CDC20B: variants seen among roughly 807,000 people sequenced by gnomAD.
CDC20B encodes cell division cycle protein 20 homolog B.
In CDC20B, 58 loss-of-function variants were observed where a neutral mutation model predicts 64.1. The ratio of observed to expected loss-of-function variants is 0.90; its 90% confidence interval spans 0.73 to 1.13. CDC20B has a LOEUF of 1.13. Among genes scored for constraint, CDC20B ranks in the 50% most tolerant of loss-of-function variants. The pLI, the probability that CDC20B is intolerant of heterozygous loss-of-function variation, is 0.00. For synonymous variants in CDC20B, 243 were observed against 230.6 expected (o/e 1.05, Z -0.49); for missense variants, 597 against 633.0 (o/e 0.94, Z 0.61).
At chr5:55,154,397 G>A (rs1465616273) in intron 2 of CDC20B, among the ~76,000 whole-genome samples, 1 of 152,028 alleles carries the variant, frequency 6.6e-6, no homozygotes, top group African/African-American at 2.4e-5. Context: ...ACGCACCTGT[G>A]GCCCAGCTAC....
intron 6 of CDC20B, among the ~76,000 whole-genome samples, chr5:55,133,031 G>A (rs1743069879): frequency 6.6e-6 from 1 of 152,116 alleles, no homozygotes; most frequent in Non-Finnish European, 1.5e-5. Context: ...TATGGTATCA[G>A]TTCCGTGTCA....
chr5:55,162,115 G>A (rs1447516312), intron 2 of CDC20B, among the ~76,000 whole-genome samples: 75 of 135,388 alleles, frequency 5.5e-4, no homozygotes, highest in Non-Finnish European at 2.1e-4. Context: ...AAAAAAAAAG[G>A]CCGGGCGCGG....
chr5:55,171,696 G>A (rs1383442627), intron 2 of CDC20B, among the ~76,000 whole-genome samples: 1 of 152,102 alleles, frequency 6.6e-6, no homozygotes, highest in Non-Finnish European at 1.5e-5. Context: ...TTGAACGCCT[G>A]GGCTCAAGCA....
At chr5:55,137,983 G>C (rs912923848) in intron 5 of CDC20B, among the ~76,000 whole-genome samples, 159 of 152,158 alleles carry the variant, frequency 1.0e-3, no homozygotes, top group African/African-American at 3.7e-3. Context: ...TTAGTTAAAA[G>C]ACTGTCAAGT....
At chr5:55,143,492 A>G (rs1191510957) in intron 4 of CDC20B, 21 bp downstream of exon 4, 1 of 1,565,368 alleles carries the variant, frequency 6.4e-7, no homozygotes, top group Non-Finnish European at 8.6e-7. Flanking sequence ...TGGGATCTTC[A>G]GTTTTTTTCT....
At chr5:55,156,457 T>A (rs1414157471) in intron 2 of CDC20B, among the ~76,000 whole-genome samples, 2 of 152,242 alleles carry the variant, frequency 1.3e-5, no homozygotes, top group Non-Finnish European at 2.9e-5. Context: ...ACTCTATTCT[T>A]CATTGTTCCA....
chr5:55,129,220 A>C (rs1742968805), intron 6 of CDC20B, among the ~76,000 whole-genome samples: 1 of 152,194 alleles, frequency 6.6e-6, no homozygotes, highest in Admixed American at 6.5e-5. Flanking sequence ...ACTAAGTAGC[A>C]CACCAGTTCC....
At chr5:55,123,744 GT>G (rs963492279) in intron 9 of CDC20B, among the ~76,000 whole-genome samples, 8 of 152,074 alleles carry the variant, frequency 5.3e-5, no homozygotes, top group African/African-American at 1.9e-4. Flanking sequence ...CTAATTTTTT[GT>G]TTTGTTTTTG....
chr5:55,139,108 G>T (rs1336296331), intron 5 of CDC20B, among the ~76,000 whole-genome samples: 1 of 151,268 alleles, frequency 6.6e-6, no homozygotes, highest in Non-Finnish European at 1.5e-5. Flanking sequence ...GAACACTGGT[G>T]ATAAAAGACT....
intron 11 of CDC20B, among the ~76,000 whole-genome samples, chr5:55,115,753 G>T (rs139932263): frequency 1.1e-4 from 16 of 152,276 alleles, no homozygotes; most frequent in African/African-American, 3.8e-4. Flanking sequence ...CTGATACAAG[G>T]TTCTCAGCAG....
intron 4 of CDC20B, among the ~76,000 whole-genome samples, chr5:55,140,619 A>G (rs1743303967): frequency 6.6e-6 from 1 of 152,214 alleles, no homozygotes; most frequent in African/African-American, 2.4e-5. Context: ...TTATTTCTCA[A>G]CTATGGAGTT....
At chr5:55,164,193 T>C in intron 2 of CDC20B, 1 of 1,559,200 alleles carries the variant, frequency 6.4e-7, no homozygotes, top group Non-Finnish European at 8.7e-7. Flanking sequence ...AGACAAGTGA[T>C]CATAAAAAAG....
intron 5 of CDC20B, chr5:55,137,687 C>T (rs957226385): frequency 4.4e-6 from 2 of 456,458 alleles, no homozygotes; most frequent in Non-Finnish European, 8.8e-6. Flanking sequence ...GGAGGAATGG[C>T]CATGTAAGTT....
At position 55,114,373 on chromosome 5, in the gene CDC20B, T is replaced by C; in HGVS notation, c.1460-55A>G. ...TCCTCCACGTTACATGGGCTGCTGCTCAGGACTGTAGGCAATGTAAGTTGG... is the reference window on the plus strand; with the variant it reads ...TCCTCCACGTTACATGGGCTGCTGCCCAGGACTGTAGGCAATGTAAGTTGG... On this transcript the variant is annotated intron_variant, in intron 11 of 11. Transcript: ENST00000381375. The surrounding 1 kb of genome is among the most constrained non-coding windows in gnomAD (Gnocchi z 4.1). 2 of 1,595,672 alleles carry C rather than the reference T, an allele frequency of 1.3e-6. No homozygotes were observed. Among genetic ancestry groups the C allele is most frequent in the Non-Finnish European group, 8.5e-7 (1 of 1,170,640 alleles).
intron 2 of CDC20B, among the ~76,000 whole-genome samples, chr5:55,163,291 A>T (rs1339554746): frequency 6.6e-6 from 1 of 152,028 alleles, no homozygotes; most frequent in East Asian, 1.9e-4. Flanking sequence ...AGGCCAAGAC[A>T]GGAGGATCAC....
intron 2 of CDC20B, among the ~76,000 whole-genome samples, chr5:55,155,219 G>C (rs147852565): frequency 4.3e-4 from 66 of 152,308 alleles, no homozygotes; most frequent in African/African-American, 1.4e-3. Context: ...CAGAGCACCA[G>C]TGCCAAAAAT....
chr5:55,131,847 T>C (rs2111838046), intron 6 of CDC20B, among the ~76,000 whole-genome samples: 1 of 152,208 alleles, frequency 6.6e-6, no homozygotes, highest in Non-Finnish European at 1.5e-5. Flanking sequence ...GGCGGATCAC[T>C]TGAGGTCAGG....
chr5:55,127,229 T>A, intron 8 of CDC20B, 28 bp downstream of exon 8: 1 of 1,577,984 alleles, frequency 6.3e-7, no homozygotes, highest in African/African-American at 1.3e-5. Flanking sequence ...AATACAAACA[T>A]AACTGTCTCC....
Position 55,119,843 on chromosome 5 carries a change from C to A in CDC20B, c.1417G>T (p.Val473Leu), listed in dbSNP as rs1742714686. The change falls in exon 11 of 12, where the codon GTG becomes TTG. Residue 473 changes from valine (V) to leucine (L), a missense_variant. Coordinates refer to ENST00000381375, the MANE Select transcript of CDC20B (RefSeq NM_001170402.1). ...CTGGACACAGTGGGACAGGTCCACA[C>A]AGTCACATCATTCTTGGGAGTACCT... is the stretch of plus-strand genomic sequence containing the variant. The part of the protein sequence containing the change: ...GQGTPKNDVT[V>L]WTCPTVSRSG... 6.2e-7 allele frequency: 1 copy of A among 1,614,068 alleles called. No homozygotes were observed. The highest frequency in any genetic ancestry group is 8.5e-7 in the Non-Finnish European group (1 of 1,179,928).
Sources: gnomAD v4.1 joint callset for allele counts (sites outside exome capture counted in the v4.1 genomes callset) on GRCh38, gnomAD v4.1.1 for gene constraint, Gnocchi (gnomAD v3.1) non-coding constraint, MANE v1.5 for transcripts, NCBI Gene and HGNC (gene_info 2026-07-23, HGNC 2026-07-21) for gene names.